CSMD3: variants seen among roughly 807,000 people sequenced by gnomAD.
CSMD3 encodes the protein CUB and Sushi multiple domains 3, also known as CUB and sushi domain-containing protein 3.
Under a neutral mutation model 435.2 loss-of-function variants are expected in CSMD3, and 177 were observed. That is an observed-to-expected ratio of 0.41 (90% CI 0.36 to 0.46). CSMD3 has a LOEUF of 0.46. CSMD3 is among the 20% of genes least tolerant of loss of function. The pLI is 0.34. For missense variants in CSMD3, 4,265 were observed against 4,504.6 expected (o/e 0.95, Z 1.52); for synonymous variants, 1,656 against 1,520.5 (o/e 1.09, Z -2.07).
chr8:113,394,781 T>C (rs1208338169), intron 1 of CSMD3, among the ~76,000 whole-genome samples: 1 of 152,000 alleles, frequency 6.6e-6, no homozygotes, highest in East Asian at 1.9e-4. Context: ...AGAAATTGAA[T>C]GTATTGAAAG....
chr8:112,963,873 A>C (rs2084323467), intron 7 of CSMD3, among the ~76,000 whole-genome samples: 1 of 151,916 alleles, frequency 6.6e-6, no homozygotes, highest in South Asian at 2.1e-4. Context: ...ATTGCATTAA[A>C]CTATGTATTT....
In CSMD3 at chr8:113,110,234, C is replaced by A. The variant is rs570685511; in HGVS notation, c.710-11271G>T. Among the ~76,000 whole-genome samples, 8 of 152,270 alleles carry A rather than the reference C, an allele frequency of 5.3e-5. No homozygotes were observed. The South Asian group carries it at 1.7e-3, about 32-fold the overall frequency. On this transcript the variant is annotated intron_variant, in intron 4 of 70. Coordinates refer to ENST00000297405, the MANE Select transcript of CSMD3 (RefSeq NM_198123.2). The stretch of plus-strand genomic sequence containing the variant: ...ACATCTTCATTTTTTATAATATGGA[C>A]AGTTATACAATTTTCTAAATCCTTA...
At position 112,838,168 on chromosome 8, in the gene CSMD3, G is replaced by A. The variant is rs1161809498; in HGVS notation, c.1756-8379C>T. Among the ~76,000 whole-genome samples, 15 of 151,666 alleles carry A rather than the reference G, an allele frequency of 9.9e-5. No homozygotes were observed. The Admixed American group carries it at 9.9e-4, about 10-fold the overall frequency. On this transcript the variant is annotated intron_variant, in intron 11 of 70. Transcript: ENST00000297405. ...GAAAACCCCAGACACTGCCAAGGAA[G>A]GTGGAGTTGGGAACTGGGAAAGAAC...
At chr8:112,251,680 C>A (rs1815274919) in intron 63 of CSMD3, among the ~76,000 whole-genome samples, 1 of 151,592 alleles carries the variant, frequency 6.6e-6, no homozygotes, top group African/African-American at 2.4e-5. Context: ...GGTTAAATAT[C>A]TTGAGGCTAA....
intron 13 of CSMD3, among the ~76,000 whole-genome samples, chr8:112,734,376 G>A (rs549118467): frequency 2.6e-5 from 4 of 151,902 alleles, no homozygotes; most frequent in South Asian, 2.1e-4. Context: ...TAAGGTCATT[G>A]TTAAACACTA....
At chr8:112,934,194 T>C (rs541236050) in intron 9 of CSMD3, among the ~76,000 whole-genome samples, 1 of 152,220 alleles carries the variant, frequency 6.6e-6, no homozygotes, top group East Asian at 1.9e-4. Context: ...TAATTACAAA[T>C]ATCATGTTGT....
chr8:112,273,496 C>G (rs1270645272), intron 59 of CSMD3, among the ~76,000 whole-genome samples: 1 of 151,824 alleles, frequency 6.6e-6, no homozygotes, highest in South Asian at 2.1e-4. Flanking sequence ...GAGGCCGAGG[C>G]GGGTGGATCA....
intron 1 of CSMD3, chr8:113,377,095 TC>T: frequency 7.8e-7 from 1 of 1,284,540 alleles, no homozygotes; most frequent in Non-Finnish European, 1.0e-6. Context: ...GGCGCTGGAC[TC>T]CCCCAAGGGC....
rs73342268 is a variant in CSMD3 at position 113,139,767 on chromosome 8, A to C, written c.709+33955T>G. On this transcript the variant is annotated intron_variant, in intron 4 of 70. Transcript: ENST00000297405. ...CCAAACAATATAAAGAGATTGGCAAAGTTGATTGGAAAGCAGGACTCAACC... is the reference window on the plus strand; with the variant it reads ...CCAAACAATATAAAGAGATTGGCAACGTTGATTGGAAAGCAGGACTCAACC... 8.4e-3 allele frequency among the ~76,000 whole-genome samples: 1,267 copies of C among 151,364 alleles called. 29 individuals carry two copies. The highest frequency in any genetic ancestry group is 0.029 in the African/African-American group (1,201 of 41,466).
At chr8:112,380,569 A>C in intron 37 of CSMD3, 113 bp from the exon 38 acceptor site, 1 of 667,996 alleles carries the variant, frequency 1.5e-6, no homozygotes, top group Non-Finnish European at 2.7e-6. Context: ...GCATTATTCA[A>C]GTTGTTTTTC....
At chr8:113,209,639 C>A (rs944304523) in intron 3 of CSMD3, among the ~76,000 whole-genome samples, 1 of 152,170 alleles carries the variant, frequency 6.6e-6, no homozygotes, top group South Asian at 2.1e-4. Flanking sequence ...AAACGAAATA[C>A]GTGAGATTTC....
chr8:112,862,672 T>G (rs1320336655), intron 10 of CSMD3, among the ~76,000 whole-genome samples: 5 of 152,106 alleles, frequency 3.3e-5, no homozygotes, highest in African/African-American at 1.2e-4. Flanking sequence ...CTGCAAAATC[T>G]CAGTGGCTTA....
At chr8:112,264,558 A>G (rs539740242) in intron 60 of CSMD3, among the ~76,000 whole-genome samples, 1 of 152,210 alleles carries the variant, frequency 6.6e-6, no homozygotes, top group African/African-American at 2.4e-5. Flanking sequence ...GTATGAATTA[A>G]TAAGTGTATA....
At chr8:112,723,691 G>T (rs1419739589) in intron 13 of CSMD3, among the ~76,000 whole-genome samples, 2 of 152,032 alleles carry the variant, frequency 1.3e-5, no homozygotes, top group Non-Finnish European at 2.9e-5. Context: ...AGCTACCTAG[G>T]TTTAAATCCC....
chr8:113,068,886 G>A (rs1436891914), intron 5 of CSMD3, among the ~76,000 whole-genome samples: 1 of 151,810 alleles, frequency 6.6e-6, no homozygotes, highest in Non-Finnish European at 1.5e-5. Context: ...TTATGGCTGG[G>A]AAATGAAAAA....
intron 22 of CSMD3, among the ~76,000 whole-genome samples, chr8:112,596,512 G>T (rs972495187): frequency 6.6e-6 from 1 of 151,838 alleles, no homozygotes; most frequent in East Asian, 1.9e-4. Flanking sequence ...TGCACCAAGC[G>T]GACCTAATAG....
chr8:112,861,323 C>A (rs964326072), intron 10 of CSMD3, among the ~76,000 whole-genome samples: 1 of 151,692 alleles, frequency 6.6e-6, no homozygotes, highest in South Asian at 2.1e-4. Context: ...TATCTATTTC[C>A]GATGGAATAA....
In CSMD3 at chr8:112,594,041, C is replaced by T. The variant is rs372594863; in HGVS notation, c.3716-6806G>A. On this transcript the variant is annotated intron_variant, in intron 22 of 70. Coordinates refer to ENST00000297405, the MANE Select transcript of CSMD3 (RefSeq NM_198123.2). ...CAAGATGGCCGAATAGGAACAGCTC[C>T]GGTCTACAGCTCCCAGTGTGAGCGA... Among the ~76,000 whole-genome samples the T allele has an allele frequency of 3.0e-3, 463 of 152,094 alleles. 1 individual carries two copies. The highest frequency in any genetic ancestry group is 0.011 in the African/African-American group (439 of 41,500).
At chr8:112,621,978 G>A (rs942071435) in intron 22 of CSMD3, among the ~76,000 whole-genome samples, 2 of 151,950 alleles carry the variant, frequency 1.3e-5, no homozygotes, top group Non-Finnish European at 2.9e-5. Context: ...CTCTCTCTGT[G>A]GTACACTCAA....
Sources: gnomAD v4.1 joint callset for allele counts (sites outside exome capture counted in the v4.1 genomes callset) on GRCh38, gnomAD v4.1.1 for gene constraint, MANE v1.5 for transcripts, NCBI Gene and HGNC (gene_info 2026-07-23, HGNC 2026-07-21) for gene names.